Variants in AHDC1 observed in about 807,000 individuals in gnomAD.
AHDC1 encodes the protein transcription factor Gibbin.
AHDC1 carries 7 observed loss-of-function variants against 87.9 expected under a neutral mutation model. That is an observed-to-expected ratio of 0.08 (90% CI 0.05 to 0.15). The LOEUF is 0.15. AHDC1 is among the 10% of genes least tolerant of loss of function. AHDC1 has a pLI of 1.00. For synonymous variants in AHDC1, 1,051 were observed against 1,006.8 expected (o/e 1.04, Z -0.83); for missense variants, 1,841 against 2,253.2 (o/e 0.82, Z 3.70).
intron 3 of AHDC1, among the ~76,000 whole-genome samples, chr1:27,601,669 C>T (rs2089531034): frequency 6.6e-6 from 1 of 152,230 alleles, no homozygotes; most frequent in South Asian, 2.1e-4. Context: ...GCAGCATGCA[C>T]ATGCCACCTG....
At chr1:27,602,139 G>C (rs1176250785) in intron 3 of AHDC1, among the ~76,000 whole-genome samples, 1 of 152,060 alleles carries the variant, frequency 6.6e-6, no homozygotes, top group African/African-American at 2.4e-5. Flanking sequence ...GTGCAGAACC[G>C]AGGGCACCAG....
chr1:27,598,118 CAG>C lies in AHDC1; in HGVS notation c.-629+5277_-629+5278del, dbSNP rs2089426751. 6.6e-6 allele frequency among the ~76,000 whole-genome samples: 1 copy of C among 152,180 alleles called. No individual in the cohort carries two copies. Among genetic ancestry groups the C allele is most frequent in the South Asian group, 2.1e-4 (1 of 4,832 alleles). ...CAGGTCAGCAAGGCCTCTCCTGGCTCAGGGGGTGGGGAGGGGGTGCAGAGCTG... is the reference window on the plus strand; with the variant it reads ...CAGGTCAGCAAGGCCTCTCCTGGCTCGGGGTGGGGAGGGGGTGCAGAGCTG... On this transcript the variant is annotated intron_variant, in intron 3 of 8. Coordinates refer to ENST00000673934, the MANE Select transcript of AHDC1 (RefSeq NM_001371928.1). The surrounding 1 kb of genome is among the most constrained non-coding windows in gnomAD (Gnocchi z 4.2).
chr1:27,589,463 C>G (rs2089161625), intron 3 of AHDC1, among the ~76,000 whole-genome samples: 1 of 152,150 alleles, frequency 6.6e-6, no homozygotes, highest in Non-Finnish European at 1.5e-5. Flanking sequence ...GTCCTAGACT[C>G]CATGCATGTC....
At chr1:27,535,860 C>A (rs1169100723) in intron 8 of AHDC1, among the ~76,000 whole-genome samples, 1 of 152,084 alleles carries the variant, frequency 6.6e-6, no homozygotes, top group Non-Finnish European at 1.5e-5. Flanking sequence ...CTTGGCTAGA[C>A]CCCCTGGATT....
Position 27,547,123 on chromosome 1 carries a change from C to G in AHDC1, c.*43+138G>C, listed in dbSNP as rs541338247. 1.3e-5 allele frequency: 8 copies of G among 596,530 alleles called. No individual in the cohort carries two copies. In the East Asian group the frequency reaches 2.4e-4, roughly 18 times the overall value. 37.0% of individuals were successfully genotyped at this position (596,530 alleles called of 1,614,324 possible). A position where few individuals can be genotyped will look rare whatever the true frequency, so the allele number is the denominator to read the frequency against. ...CAACAGCGAATCCTGAATCCCTACA[C>G]CCTGCTCTCAGTCCCCAGCCTTGCC... On this transcript the variant is annotated intron_variant, in intron 8 of 8. Coordinates refer to ENST00000673934, the MANE Select transcript of AHDC1 (RefSeq NM_001371928.1). The surrounding 1 kb of genome is among the most constrained non-coding windows in gnomAD (Gnocchi z 4.9).
intron 3 of AHDC1, among the ~76,000 whole-genome samples, chr1:27,592,737 C>T (rs1427969119): frequency 1.3e-5 from 2 of 152,208 alleles, no homozygotes; most frequent in Non-Finnish European, 2.9e-5. Context: ...GGCCGGAACG[C>T]AGGAGGCCCC....
At chr1:27,576,830 G>A (rs765859881) in intron 3 of AHDC1, among the ~76,000 whole-genome samples, 2 of 152,180 alleles carry the variant, frequency 1.3e-5, no homozygotes, top group Non-Finnish European at 2.9e-5. Context: ...CCTTACAACA[G>A]TGGAGGCTGC....
chr1:27,593,105 C>T lies in AHDC1; in HGVS notation c.-629+10292G>A, dbSNP rs950611490. ...CTGCCCCTCCAGGGGACACAGGCCT[C>T]GGTGGAACGGAGTAGACACGGTGTC... On this transcript the variant is annotated intron_variant, in intron 3 of 8. Coordinates refer to ENST00000673934, the MANE Select transcript of AHDC1 (RefSeq NM_001371928.1). This position sits in a 1 kb window ranked among gnomAD's most constrained non-coding sequence, Gnocchi z 4.9. 1.3e-5 allele frequency among the ~76,000 whole-genome samples: 2 copies of T among 152,046 alleles called. No homozygotes were observed. The highest frequency in any genetic ancestry group is 4.8e-5 in the African/African-American group (2 of 41,378).
At chr1:27,553,971 G>A (rs2019691525) in intron 5 of AHDC1, among the ~76,000 whole-genome samples, 2 of 152,158 alleles carry the variant, frequency 1.3e-5, no homozygotes, top group African/African-American at 4.8e-5. Flanking sequence ...AGGCTGAGGT[G>A]GGAGGATCAC....
rs201196725 is a variant in AHDC1 at position 27,585,276 on chromosome 1, G to A, written c.-629+18121C>T. Among the ~76,000 whole-genome samples, 107 of 126,548 alleles carry A rather than the reference G, an allele frequency of 8.5e-4. 2 individuals carry two copies. The East Asian group carries it at 0.015, about 17-fold the overall frequency. The allele number at this position is 126,548 out of a possible 152,430, so 83.0% of individuals were successfully genotyped here. On this transcript the variant is annotated intron_variant, in intron 3 of 8. Transcript: ENST00000673934. ...CTCAAAAAAAAAAAAAAAAAAAAAA[G>A]AAGGAACAAATGAACAAACAAGGAC... is the stretch of plus-strand genomic sequence containing the variant.
chr1:27,566,114 G>A (rs1035889709), intron 3 of AHDC1, among the ~76,000 whole-genome samples: 21 of 152,332 alleles, frequency 1.4e-4, no homozygotes, highest in African/African-American at 4.6e-4. Context: ...AGAGTAAGGA[G>A]AACTGAAAGG....
chr1:27,575,817 G>A (rs1458644946), intron 3 of AHDC1, among the ~76,000 whole-genome samples: 1 of 151,420 alleles, frequency 6.6e-6, no homozygotes, highest in Non-Finnish European at 1.5e-5. Context: ...GGAGGGGAGC[G>A]GCCCGGCCTC....
chr1:27,545,116 C>T (rs1161484535), intron 8 of AHDC1, among the ~76,000 whole-genome samples: 3 of 151,114 alleles, frequency 2.0e-5, no homozygotes, highest in Admixed American at 6.6e-5. Context: ...CTTCAAGGTC[C>T]GGTCAGCATG....
At chr1:27,578,230 C>A (rs1295561911) in intron 3 of AHDC1, among the ~76,000 whole-genome samples, 1 of 152,054 alleles carries the variant, frequency 6.6e-6, no homozygotes, top group Non-Finnish European at 1.5e-5. Context: ...TAAAATACCT[C>A]ATTAATAATT....
chr1:27,572,255 A>G (rs2088554549), intron 3 of AHDC1, among the ~76,000 whole-genome samples: 1 of 152,118 alleles, frequency 6.6e-6, no homozygotes, highest in Non-Finnish European at 1.5e-5. Flanking sequence ...CCGTGGTAAA[A>G]TTACTGAGAG....
Position 27,556,187 on chromosome 1 carries a change from G to A in AHDC1, c.-225+2118C>T, listed in dbSNP as rs1449907736. Among the ~76,000 whole-genome samples, 3 of 61,832 alleles carry A rather than the reference G, an allele frequency of 4.9e-5. No homozygotes were observed. The Admixed American group carries it at 5.8e-4, about 12-fold the overall frequency. The allele number at this position is 61,832 out of a possible 152,430, so 40.6% of individuals were successfully genotyped here. A position where few individuals can be genotyped will look rare whatever the true frequency, so the allele number is the denominator to read the frequency against. On this transcript the variant is annotated intron_variant, in intron 5 of 8. Coordinates refer to ENST00000673934, the MANE Select transcript of AHDC1 (RefSeq NM_001371928.1). ...TTGAGTCCCCAGCCCCACCCTCCCC[G>A]GCTGTGGCTGTGACCACCCCACCCC...
chr1:27,594,748 G>A (rs2089319550), intron 3 of AHDC1, among the ~76,000 whole-genome samples: 1 of 152,168 alleles, frequency 6.6e-6, no homozygotes, highest in East Asian at 1.9e-4. Flanking sequence ...GGCTGTCTAG[G>A]GGAACAAGGT....
chr1:27,603,083 G>C lies in AHDC1; in HGVS notation c.-629+314C>G, dbSNP rs550662535. ...GAAGGAGGAGGGGGCGCGCGGCAGC[G>C]CTGGGCGCGCACCTCGCCCCCGAGC... is the stretch of plus-strand genomic sequence containing the variant. On this transcript the variant is annotated intron_variant, in intron 3 of 8. Coordinates refer to ENST00000673934, the MANE Select transcript of AHDC1 (RefSeq NM_001371928.1). Among the ~76,000 whole-genome samples, 3 of 150,238 alleles carry C rather than the reference G, an allele frequency of 2.0e-5. No individual in the cohort carries two copies. In the South Asian group the frequency reaches 6.3e-4, roughly 32 times the overall value.
At chr1:27,546,889 C>T (rs2019192250) in intron 8 of AHDC1, among the ~76,000 whole-genome samples, 1 of 152,188 alleles carries the variant, frequency 6.6e-6, no homozygotes, top group Admixed American at 6.5e-5. Context: ...ATACAAATGC[C>T]CACCCTTATC....
Sources: gnomAD v4.1 joint callset for allele counts (sites outside exome capture counted in the v4.1 genomes callset) on GRCh38, gnomAD v4.1.1 for gene constraint, Gnocchi (gnomAD v3.1) non-coding constraint, MANE v1.5 for transcripts, NCBI Gene and HGNC (gene_info 2026-07-23, HGNC 2026-07-21) for gene names.